Variants in KCTD16 observed in about 807,000 individuals in gnomAD.
KCTD16 encodes BTB/POZ domain-containing protein KCTD16.
KCTD16 carries 13 observed loss-of-function variants against 33.2 expected under a neutral mutation model. The ratio of observed to expected loss-of-function variants is 0.39; its 90% CI spans 0.25 to 0.62. The LOEUF is 0.62. Ranked by LOEUF, KCTD16 falls within the 20% of genes least tolerant of loss-of-function variation. The pLI is 0.50. For missense variants in KCTD16, 441 were observed against 525.1 expected (o/e 0.84, Z 1.57); for synonymous variants, 197 against 195.3 (o/e 1.01, Z -0.07).
At chr5:144,388,164 C>A (rs1183135091) in intron 3 of KCTD16, among the ~76,000 whole-genome samples, 1 of 145,168 alleles carries the variant, frequency 6.9e-6, no homozygotes, top group African/African-American at 2.6e-5. Context: ...ACTGCAAGCT[C>A]CGCCTCCCGG....
chr5:144,422,791 C>T (rs1044988041), intron 3 of KCTD16, among the ~76,000 whole-genome samples: 6 of 152,052 alleles, frequency 3.9e-5, no homozygotes, highest in Non-Finnish European at 7.4e-5. Flanking sequence ...AATGATATGT[C>T]AAAATACTCC....
At chr5:144,275,104 T>A (rs566592590) in intron 3 of KCTD16, among the ~76,000 whole-genome samples, 1 of 152,186 alleles carries the variant, frequency 6.6e-6, no homozygotes, top group African/African-American at 2.4e-5. Context: ...TAAATGCAAA[T>A]TGCTACAGTG....
chr5:144,434,634 A>G lies in KCTD16; in HGVS notation c.833-39026A>G, dbSNP rs1303958101. Among the ~76,000 whole-genome samples the G allele has an allele frequency of 3.9e-5, 6 of 152,164 alleles. No homozygotes were observed. In the East Asian group the frequency reaches 1.2e-3, roughly 29 times the overall value. ...ATACAAAGGAGTTGATTGTAACTGG[A>G]CAAACCTAATGATGTTTTAAAACAA... On this transcript the variant is annotated intron_variant, in intron 3 of 3. Coordinates refer to ENST00000512467, the MANE Select transcript of KCTD16 (RefSeq NM_020768.4).
At chr5:144,377,820 C>T (rs1259802758) in intron 3 of KCTD16, 1 of 152,148 alleles carries the variant, frequency 6.6e-6, no homozygotes, top group Non-Finnish European at 1.5e-5. Context: ...TCCATCCCTC[C>T]ACATCTGGTA....
At chr5:144,375,896 C>T (rs573409997) in intron 3 of KCTD16, among the ~76,000 whole-genome samples, 10 of 152,014 alleles carry the variant, frequency 6.6e-5, no homozygotes, top group African/African-American at 1.9e-4. Context: ...CTGCAACCTC[C>T]GCCTCCTGGG....
chr5:144,312,923 A>C (rs907469007), intron 3 of KCTD16, among the ~76,000 whole-genome samples: 1 of 152,234 alleles, frequency 6.6e-6, no homozygotes, highest in Non-Finnish European at 1.5e-5. Flanking sequence ...TGTCTCCTAA[A>C]TAGTCTCTAA....
At chr5:144,418,663 C>T (rs958743289) in intron 3 of KCTD16, among the ~76,000 whole-genome samples, 4 of 152,154 alleles carry the variant, frequency 2.6e-5, no homozygotes, top group East Asian at 1.9e-4. Context: ...ACATTACTTG[C>T]TTTTTCCAAT....
At chr5:144,359,530 G>T (rs1027526407) in intron 3 of KCTD16, among the ~76,000 whole-genome samples, 3 of 151,942 alleles carry the variant, frequency 2.0e-5, no homozygotes, top group Non-Finnish European at 2.9e-5. Context: ...AGTTATAACT[G>T]CTTTTTAATC....
At chr5:144,200,087 A>G (rs2126785053) in intron 2 of KCTD16, among the ~76,000 whole-genome samples, 1 of 152,102 alleles carries the variant, frequency 6.6e-6, no homozygotes, top group East Asian at 1.9e-4. Flanking sequence ...AAAATTTTAG[A>G]CCCTGTGAAT....
intron 2 of KCTD16, among the ~76,000 whole-genome samples, chr5:144,182,195 G>A (rs1436716903): frequency 6.6e-6 from 1 of 152,122 alleles, no homozygotes. Flanking sequence ...TCCTAATAAG[G>A]TTATCCCCAT....
At chr5:144,179,956 C>T (rs1047595309) in intron 2 of KCTD16, among the ~76,000 whole-genome samples, 6 of 152,186 alleles carry the variant, frequency 3.9e-5, no homozygotes, top group Admixed American at 3.3e-4. Context: ...CGCCCATTTT[C>T]CCTGTGGGTG....
rs531717498 is a variant in KCTD16 at position 144,419,827 on chromosome 5, C to A, written c.833-53833C>A. ...TTTAATTTAAATTAGCCACCTGTGGCTAATGACTACCCTGTTGCATAGGAG... is the reference window on the plus strand; with the variant it reads ...TTTAATTTAAATTAGCCACCTGTGGATAATGACTACCCTGTTGCATAGGAG... On this transcript the variant is annotated intron_variant, in intron 3 of 3. Coordinates refer to ENST00000512467, the MANE Select transcript of KCTD16 (RefSeq NM_020768.4). Among the ~76,000 whole-genome samples, 3 of 152,206 alleles carry A rather than the reference C, an allele frequency of 2.0e-5. No individual in the cohort carries two copies. In the South Asian group the frequency reaches 6.2e-4, roughly 32 times the overall value.
chr5:144,294,570 A>T (rs1223583016), intron 3 of KCTD16, among the ~76,000 whole-genome samples: 1 of 152,126 alleles, frequency 6.6e-6, no homozygotes. Context: ...TTGTGTATCC[A>T]TCAGCAATTT....
At chr5:144,173,014 C>A (rs192600803) in intron 1 of KCTD16, among the ~76,000 whole-genome samples, 1 of 152,158 alleles carries the variant, frequency 6.6e-6, no homozygotes, top group South Asian at 2.1e-4. Context: ...AAAAGGAATG[C>A]GTATACACTG....
chr5:144,471,505 C>G (rs1754473123), intron 3 of KCTD16, among the ~76,000 whole-genome samples: 2 of 152,148 alleles, frequency 1.3e-5, no homozygotes, highest in Admixed American at 1.3e-4. Flanking sequence ...CAGATTGTCT[C>G]TGGTTTGATG....
chr5:144,306,729 A>T (rs1479845064), intron 3 of KCTD16, among the ~76,000 whole-genome samples: 1 of 152,092 alleles, frequency 6.6e-6, no homozygotes. Context: ...GTGTTAGCAA[A>T]TCTTACCTGC....
At chr5:144,333,458 A>G (rs1035148555) in intron 3 of KCTD16, among the ~76,000 whole-genome samples, 9 of 152,192 alleles carry the variant, frequency 5.9e-5, no homozygotes, top group Admixed American at 5.9e-4. Flanking sequence ...ACTAAAAATA[A>G]TAAGCCTTTA....
chr5:144,190,795 G>T (rs1489644817), intron 2 of KCTD16, among the ~76,000 whole-genome samples: 1 of 152,038 alleles, frequency 6.6e-6, no homozygotes, highest in Non-Finnish European at 1.5e-5. Context: ...TCTAGAATGT[G>T]AGCTCTATGA....
chr5:144,311,765 G>C lies in KCTD16; in HGVS notation c.832+104219G>C, dbSNP rs1751772350. Among the ~76,000 whole-genome samples, 3 of 151,990 alleles carry C rather than the reference G, an allele frequency of 2.0e-5. No individual in the cohort carries two copies. In the South Asian group the frequency reaches 6.2e-4, roughly 31 times the overall value. The stretch of plus-strand genomic sequence containing the variant: ...TCAGGCAAAATACCTACCAAAAGTA[G>C]CAAAACGATACTTTATAATATTACA... On this transcript the variant is annotated intron_variant, in intron 3 of 3. Transcript: ENST00000512467.
Sources: allele counts gnomAD v4.1 joint callset (sites outside exome capture counted in the v4.1 genomes callset), GRCh38; gene constraint gnomAD v4.1.1; transcripts MANE v1.5; gene names NCBI Gene and HGNC (gene_info 2026-07-23, HGNC 2026-07-21).